The following ERCC6 variants were observed in gnomAD, a reference collection of about 807,000 sequenced individuals.
The protein encoded by ERCC6 is ERCC excision repair 6, chromatin remodeling factor, also known as DNA excision repair protein ERCC-6.
ERCC6 carries 116 observed loss-of-function variants against 158.7 expected under a neutral mutation model. The observed-to-expected ratio is 0.73, with a 90% confidence interval of 0.63 to 0.85. The LOEUF is 0.85. Ranked by LOEUF, ERCC6 falls within the 40% of genes least tolerant of loss-of-function variation. The pLI is 0.00. For missense variants in ERCC6, 1,698 were observed against 1,799.4 expected (o/e 0.94, Z 1.02); for synonymous variants, 678 against 659.3 (o/e 1.03, Z -0.43).
rs2132639871 is a variant in ERCC6, at chr10:49,532,899, A to C, written c.66T>G (p.Pro22=). Residue 22 remains proline, a synonymous_variant, in exon 2 of 21, where the codon CCT becomes CCG. Coordinates refer to ENST00000355832, the MANE Select transcript of ERCC6 (RefSeq NM_000124.4). ...TTGCCATTTCTTCATTATTACTGAC[A>C]GGTTGACTCTGTAAACAGTCTTGCT... is the stretch of plus-strand genomic sequence containing the variant. ...TQEQDCLQSQ[P]VSNNEEMAIK... 3 of 1,614,232 alleles carry C rather than the reference A, an allele frequency of 1.9e-6. No homozygotes were observed. The highest frequency in any genetic ancestry group is 2.5e-6 in the Non-Finnish European group (3 of 1,180,042).
intron 5 of ERCC6, among the ~76,000 whole-genome samples, chr10:49,517,817 T>C (rs1398250745): frequency 6.6e-6 from 1 of 152,182 alleles, no homozygotes; most frequent in Non-Finnish European, 1.5e-5. Context: ...GTGCTGGGAT[T>C]ACAGGTATGA....
intron 11 of ERCC6, 122 bp from the exon 12 acceptor site, chr10:49,476,432 A>G (rs1850879072): frequency 3.0e-6 from 2 of 672,822 alleles, no homozygotes; most frequent in Non-Finnish European, 5.2e-6. Flanking sequence ...TGATATCCCT[A>G]TTATTAATAT....
intron 5 of ERCC6, chr10:49,515,286 A>G (rs1196130456): frequency 1.3e-6 from 2 of 1,561,136 alleles, no homozygotes; most frequent in Non-Finnish European, 1.7e-6. Context: ...TACACTGTAC[A>G]TAATGTATAA....
chr10:49,496,324 C>T (rs1851266031), intron 7 of ERCC6, among the ~76,000 whole-genome samples: 1 of 152,226 alleles, frequency 6.6e-6, no homozygotes, highest in African/African-American at 2.4e-5. Context: ...GAGATAATCT[C>T]TTCTTCAAAT....
Position 49,534,048 on chromosome 10 carries a change from C to T in ERCC6, c.-14-1070G>A, listed in dbSNP as rs570960304. On this transcript the variant is annotated intron_variant, in intron 1 of 20. Transcript: ENST00000355832. ...ACTCGGGAGGCTGAAGCAGGAGAAT[C>T]ACTTGAACCCAGGAGGCGGAGGTTG... Among the ~76,000 whole-genome samples, 7 of 143,044 alleles carry T rather than the reference C, an allele frequency of 4.9e-5. No homozygotes were observed. The South Asian group carries it at 1.6e-3, about 32-fold the overall frequency. The allele number at this position is 143,044 out of a possible 152,430, so 93.8% of individuals were successfully genotyped here. A position where few individuals can be genotyped will look rare whatever the true frequency, so the allele number is the denominator to read the frequency against.
At chr10:49,465,785 T>C (rs966006466) in intron 18 of ERCC6, among the ~76,000 whole-genome samples, 4 of 152,216 alleles carry the variant, frequency 2.6e-5, no homozygotes, top group African/African-American at 7.2e-5. Flanking sequence ...TGCATGATTG[T>C]AAAGCCTCCC....
chr10:49,509,441 C>T (rs1019305454), intron 5 of ERCC6, among the ~76,000 whole-genome samples: 2 of 152,162 alleles, frequency 1.3e-5, no homozygotes, highest in Admixed American at 6.6e-5. Context: ...TATACTTAAA[C>T]AGAAACTATG....
chr10:49,442,793 T>G, the ERCC6 span, among the ~76,000 whole-genome samples: 17 of 152,382 alleles, frequency 1.1e-4, no homozygotes, highest in African/African-American at 4.1e-4. Flanking sequence ...CTTCTTTCCA[T>G]TCTTCACTTC....
chr10:49,448,354 T>C, the ERCC6 span, among the ~76,000 whole-genome samples: 1 of 152,192 alleles, frequency 6.6e-6, no homozygotes. Context: ...GAAATGTCTA[T>C]TCAGATTCTT....
the ERCC6 span, among the ~76,000 whole-genome samples, chr10:49,442,203 G>T: frequency 6.6e-6 from 1 of 152,230 alleles, no homozygotes; most frequent in Admixed American, 6.5e-5. Flanking sequence ...TCCTCCAAAC[G>T]ACAGTTACGC....
At chr10:49,449,694 G>A (rs1438309046), downstream of ERCC6, among the ~76,000 whole-genome samples, 1 of 149,418 alleles carries the variant, frequency 6.7e-6, no homozygotes, top group Non-Finnish European at 1.5e-5. Context: ...TGGGACTACA[G>A]GTGCACGCCA....
Position 49,482,766 on chromosome 10 carries a change from A to C in ERCC6, c.2090T>G (p.Leu697Ter). 6.2e-7 allele frequency: 1 copy of C among 1,614,084 alleles called. No homozygotes were observed. The highest frequency in any genetic ancestry group is 8.5e-7 in the Non-Finnish European group (1 of 1,180,010). ...SLFDFIFPGK[L>*]GTLPVFMEQF... ...CTCCATAAACACAGGCAACGTGCCT[A>C]ACTTTCCCGGGAAGATGAAGTCAAA... Residue 697 changes from leucine to a stop codon, truncating the protein, a stop_gained, in exon 10 of 21, where the codon TTA (leucine) becomes TGA (stop). Transcript: ENST00000355832. LOFTEE classifies it high-confidence loss of function.
intron 14 of ERCC6, 40 bp from the exon 15 acceptor site, chr10:49,473,068 G>A (rs374902547): frequency 1.9e-6 from 3 of 1,613,558 alleles, no homozygotes; most frequent in Non-Finnish European, 2.5e-6. Flanking sequence ...ACACACTTAA[G>A]ACCAGTTACA....
At position 49,505,941 on chromosome 10, in the gene ERCC6, T is replaced by C. The variant is rs1851434992; in HGVS notation, c.1469A>G (p.Asp490Gly). Reference sequence around the variant, plus strand: ...TTTAAAACCTTCGTCAAATTCAGCATCACTTTCCTCAGAATCGTCCTCCAG... The same window carrying C: ...TTTAAAACCTTCGTCAAATTCAGCACCACTTTCCTCAGAATCGTCCTCCAG... ...LKLEDDSEES[D>G]AEFDEGFKVP... The change falls in exon 6 of 21, where the codon GAT becomes GGT. Residue 490 changes from aspartate (D) to glycine (G), a missense_variant. By Grantham distance (94) the Asp-to-Gly change is moderately conservative. Coordinates refer to ENST00000355832, the MANE Select transcript of ERCC6 (RefSeq NM_000124.4). 6.2e-7 allele frequency: 1 copy of C among 1,613,410 alleles called. No homozygotes were observed. Among genetic ancestry groups the C allele is most frequent in the African/African-American group, 1.3e-5 (1 of 74,894 alleles).
Position 49,458,443 on chromosome 10 carries a change from G to C in ERCC6, c.*372C>G. On this transcript the variant is annotated 3_prime_UTR_variant, in exon 21 of 21. Coordinates refer to ENST00000355832, the MANE Select transcript of ERCC6 (RefSeq NM_000124.4). Reference sequence around the variant, plus strand: ...TGACTGAATGTAAGACCTGTTTTTAGCACCAATAAAAAAAAATATTGAGAT... The same window carrying C: ...TGACTGAATGTAAGACCTGTTTTTACCACCAATAAAAAAAAATATTGAGAT... 3.9e-6 allele frequency: 1 copy of C among 257,952 alleles called. No homozygotes were observed. The highest frequency in any genetic ancestry group is 7.5e-6 in the Non-Finnish European group (1 of 132,494). The allele number at this position is 257,952 out of a possible 1,614,324, so 16.0% of individuals were successfully genotyped here.
At chr10:49,526,155 A>C (rs1477804199) in intron 4 of ERCC6, among the ~76,000 whole-genome samples, 4 of 104,012 alleles carry the variant, frequency 3.8e-5, no homozygotes, top group South Asian at 6.5e-4. Context: ...ATATATATAT[A>C]TATATATCTG....
chr10:49,496,249 C>T (rs562129990), intron 7 of ERCC6, among the ~76,000 whole-genome samples: 1 of 152,276 alleles, frequency 6.6e-6, no homozygotes, highest in East Asian at 1.9e-4. Context: ...CCACATTAAC[C>T]CTGACAAAAC....
At chr10:49,515,937 T>C in intron 5 of ERCC6, 1 of 1,614,216 alleles carries the variant, frequency 6.2e-7, no homozygotes, top group East Asian at 2.2e-5. Flanking sequence ...TCTTTCTTTT[T>C]TCTTTAAAGC....
Position 49,458,676 on chromosome 10 carries a change from T to C in ERCC6, c.*139A>G. 1.2e-6 allele frequency: 1 copy of C among 817,726 alleles called. No homozygotes were observed. The highest frequency in any genetic ancestry group is 2.0e-6 in the Non-Finnish European group (1 of 507,962). The allele number at this position is 817,726 out of a possible 1,614,324, so 50.7% of individuals were successfully genotyped here. A position where few individuals can be genotyped will look rare whatever the true frequency, so the allele number is the denominator to read the frequency against. On this transcript the variant is annotated 3_prime_UTR_variant, in exon 21 of 21. Coordinates refer to ENST00000355832, the MANE Select transcript of ERCC6 (RefSeq NM_000124.4). ...GAAGAGTTTCTTCTTCCTTAAAGTT[T>C]TAATTCTGAGGTAGACATCATGCAA...
Sources: allele counts gnomAD v4.1 joint callset (sites outside exome capture counted in the v4.1 genomes callset), GRCh38; gene constraint gnomAD v4.1.1; transcripts MANE v1.5; gene names NCBI Gene and HGNC (gene_info 2026-07-23, HGNC 2026-07-21).